Variants in GPR89A observed in about 807,000 individuals in gnomAD.
GPR89A encodes golgi pH regulator A, also known as G protein-coupled receptor 89A.
In GPR89A, 16 loss-of-function variants were observed where a neutral mutation model predicts 52.0. The observed-to-expected ratio is 0.31, with a 90% CI of 0.21 to 0.47. The LOEUF (loss-of-function observed/expected upper bound fraction) is 0.47. Ranked by LOEUF, GPR89A falls within the 20% of genes least tolerant of loss-of-function variation. GPR89A has a pLI of 1.00. For missense variants in GPR89A, 135 were observed against 449.4 expected (o/e 0.30, Z 6.33); for synonymous variants, 55 against 150.9 (o/e 0.36, Z 4.66).
intron 1 of GPR89A, chr1:145,612,059 G>A (rs1648324124): frequency 1.3e-5 from 2 of 151,852 alleles, no homozygotes; most frequent in Non-Finnish European, 2.9e-5. Flanking sequence ...GTTTGCCAAC[G>A]CCAGGAGTTT....
intron 12 of GPR89A, among the ~76,000 whole-genome samples, chr1:145,667,277 C>G (rs369810515): frequency 1.3e-5 from 2 of 152,212 alleles, no homozygotes; most frequent in Non-Finnish European, 2.9e-5. Context: ...TGATCACCAT[C>G]CTAACTGGTG....
chr1:145,624,419 C>G (rs1375646127), intron 5 of GPR89A, among the ~76,000 whole-genome samples: 1 of 139,744 alleles, frequency 7.2e-6, no homozygotes, highest in Non-Finnish European at 1.5e-5. Context: ...ATGTATGAAT[C>G]TATCTAAAAA....
rs369506247 is a variant in GPR89A, at chr1:145,627,010, A to G, written c.415+3296A>G. Among the ~76,000 whole-genome samples the G allele has an allele frequency of 1.1e-4, 17 of 152,122 alleles. No individual in the cohort carries two copies. The East Asian group carries it at 2.7e-3, about 24-fold the overall frequency. ...AAAATGAAAAAAAGATAATCTGTAA[A>G]AGTACTTCTTGTGCGGTGTCTGAAC... On this transcript the variant is annotated intron_variant, in intron 5 of 13. Transcript: ENST00000313835.
intron 1 of GPR89A, among the ~76,000 whole-genome samples, chr1:145,614,673 A>G (rs1212854863): frequency 6.6e-6 from 1 of 152,256 alleles, no homozygotes; most frequent in Non-Finnish European, 1.5e-5. Flanking sequence ...ATCACACATT[A>G]CAAAACTGTA....
Position 145,610,056 on chromosome 1 carries a change from G to A in GPR89A, c.42+1881G>A, listed in dbSNP as rs200675135. On this transcript the variant is annotated intron_variant, in intron 1 of 13. Coordinates refer to ENST00000313835, the MANE Select transcript of GPR89A (RefSeq NM_001097612.2). Reference sequence around the variant, plus strand: ...TCATGTGTTTGTTATCTGTCCATGAGGTCCAAGATACTGTCTGTCTTGTTC... The same window carrying A: ...TCATGTGTTTGTTATCTGTCCATGAAGTCCAAGATACTGTCTGTCTTGTTC... 3.4e-4 allele frequency among the ~76,000 whole-genome samples: 52 copies of A among 152,034 alleles called. No homozygotes were observed. In the East Asian group the frequency reaches 8.5e-3, roughly 25 times the overall value.
At chr1:145,617,323 T>C (rs1383102936) in intron 2 of GPR89A, among the ~76,000 whole-genome samples, 1 of 152,288 alleles carries the variant, frequency 6.6e-6, no homozygotes, top group Middle Eastern at 3.4e-3. Flanking sequence ...ATGGTTATCT[T>C]TCCGTGTTCC....
Position 145,616,184 on chromosome 1 carries a change from A to G in GPR89A, c.43-50A>G, listed in dbSNP as rs782724162. On this transcript the variant is annotated intron_variant, in intron 1 of 13. Coordinates refer to ENST00000313835, the MANE Select transcript of GPR89A (RefSeq NM_001097612.2). ...TATCATAAAAGAGTTTCTATAAAAC[A>G]TTTCTCAAAAGAAAATATGTATTGA... The G allele has an allele frequency of 2.8e-6, 4 of 1,409,688 alleles. No homozygotes were observed. The Admixed American group carries it at 5.5e-5, about 19-fold the overall frequency. The allele number at this position is 1,409,688 out of a possible 1,614,324, so 87.3% of individuals were successfully genotyped here.
At chr1:145,635,400 C>T (rs587773800) in intron 7 of GPR89A, among the ~76,000 whole-genome samples, 6 of 63,074 alleles carry the variant, frequency 9.5e-5, no homozygotes, top group South Asian at 1.5e-3. Context: ...AGTGAGACTC[C>T]GTCTCAAAAA....
chr1:145,616,602 T>G (rs1553687075), intron 2 of GPR89A, among the ~76,000 whole-genome samples: 1 of 152,140 alleles, frequency 6.6e-6, no homozygotes. Flanking sequence ...AATGTTCCCT[T>G]TCATTTGTCT....
intron 12 of GPR89A, 67 bp from the exon 13 acceptor site, chr1:145,669,558 T>C (rs1652823886): frequency 1.3e-6 from 2 of 1,554,208 alleles, no homozygotes; most frequent in Non-Finnish European, 1.8e-6. Context: ...GTTAACCATA[T>C]TTCTTACTGT....
chr1:145,656,173 T>A (rs1488451684), intron 10 of GPR89A, among the ~76,000 whole-genome samples: 2 of 152,164 alleles, frequency 1.3e-5, no homozygotes, highest in East Asian at 3.9e-4. Context: ...GCAGTGATGG[T>A]GGCTGTCCCG....
intron 10 of GPR89A, among the ~76,000 whole-genome samples, chr1:145,650,240 G>T (rs1204048417): frequency 6.7e-6 from 1 of 149,450 alleles, no homozygotes; most frequent in African/African-American, 2.5e-5. Context: ...GTGATATTTG[G>T]TTTTCTGTTC....
chr1:145,608,145 C>T lies in GPR89A; in HGVS notation c.12C>T (p.Leu4=), dbSNP rs71618969. The change falls in exon 1 of 14, where the codon CTC becomes CTT. Residue 4 remains leucine, a synonymous_variant. Transcript: ENST00000313835. ...CCTTACACTTCGCCATGAGTTTCCT[C>T]ATCGACTCCAGCATCATGATTACCT... The part of the protein sequence containing the change: MSF[L]IDSSIMITSQ... 7 of 1,611,298 alleles carry T rather than the reference C, an allele frequency of 4.3e-6. No individual in the cohort carries two copies. The South Asian group carries it at 4.4e-5, about 10-fold the overall frequency.
At chr1:145,652,379 G>A (rs1651512437) in intron 10 of GPR89A, among the ~76,000 whole-genome samples, 1 of 151,842 alleles carries the variant, frequency 6.6e-6, no homozygotes, top group South Asian at 2.1e-4. Flanking sequence ...TTTTTGATGT[G>A]CTGCTGGATT....
intron 12 of GPR89A, among the ~76,000 whole-genome samples, chr1:145,667,484 T>G (rs1484158573): frequency 2.6e-5 from 4 of 152,174 alleles, no homozygotes; most frequent in Admixed American, 1.3e-4. Flanking sequence ...CTTTGTCAGA[T>G]AAGTAGATTG....
chr1:145,667,513 C>T (rs1350637442), intron 12 of GPR89A, among the ~76,000 whole-genome samples: 1 of 152,048 alleles, frequency 6.6e-6, no homozygotes, highest in Non-Finnish European at 1.5e-5. Flanking sequence ...TTCTCCCATT[C>T]TGTAGGTTGC....
chr1:145,661,451 TATAATA>T (rs1288237150), intron 10 of GPR89A, among the ~76,000 whole-genome samples: 1 of 150,598 alleles, frequency 6.6e-6, no homozygotes, highest in African/African-American at 2.4e-5. Context: ...AAACTTAAAG[TATAATA>T]ATAATAAAAT....
In GPR89A at chr1:145,662,493, G is replaced by T. The variant is rs1571545109; in HGVS notation, c.910-836G>T. On this transcript the variant is annotated intron_variant, in intron 10 of 13. Transcript: ENST00000313835. ...TTGTATCTTTATATTTATTAAAGTG[G>T]TTTTTTCATAAGGAATATATAGTTG... 4.0e-5 allele frequency among the ~76,000 whole-genome samples: 6 copies of T among 151,850 alleles called. No homozygotes were observed. In the South Asian group the frequency reaches 6.3e-4, roughly 16 times the overall value.
At chr1:145,608,988 CTG>C (rs1553685632) in intron 1 of GPR89A, among the ~76,000 whole-genome samples, 1 of 151,958 alleles carries the variant, frequency 6.6e-6, no homozygotes, top group African/African-American at 2.4e-5. Flanking sequence ...TCATTTATGT[CTG>C]TGTTTCTGAT....
Sources: allele counts gnomAD v4.1 joint callset (sites outside exome capture counted in the v4.1 genomes callset), GRCh38; gene constraint gnomAD v4.1.1; transcripts MANE v1.5; gene names NCBI Gene and HGNC (gene_info 2026-07-23, HGNC 2026-07-21).